SPIDR: variants seen among roughly 807,000 people sequenced by gnomAD.
SPIDR encodes DNA repair-scaffolding protein.
Under a neutral mutation model 104.6 loss-of-function variants are expected in SPIDR, and 93 were observed. The observed-to-expected ratio is 0.89, with a 90% CI of 0.75 to 1.06. SPIDR has a LOEUF of 1.06. SPIDR is among the 50% of genes least tolerant of loss of function. The pLI, the probability that SPIDR is intolerant of heterozygous loss-of-function variation, is 0.00. For synonymous variants in SPIDR, 431 were observed against 416.9 expected, an observed-to-expected ratio of 1.03 and a Z score of -0.41; for missense variants, 1,154 against 1,111.2, an observed-to-expected ratio of 1.04 and a Z score of -0.55.
intron 5 of SPIDR, among the ~76,000 whole-genome samples, chr8:47,320,019 A>G (rs1417412689): frequency 8.6e-5 from 13 of 151,966 alleles, no homozygotes; most frequent in African/African-American, 2.9e-4. Flanking sequence ...TTGACACCCT[A>G]ACATCACAAT....
chr8:47,524,437 G>T (rs2084664014), intron 8 of SPIDR, among the ~76,000 whole-genome samples: 1 of 152,148 alleles, frequency 6.6e-6, no homozygotes, highest in African/African-American at 2.4e-5. Flanking sequence ...AGCCCCTCTG[G>T]GATCCTATAG....
At chr8:47,639,211 C>T (rs1409320961) in intron 10 of SPIDR, among the ~76,000 whole-genome samples, 2 of 152,154 alleles carry the variant, frequency 1.3e-5, no homozygotes, top group African/African-American at 2.4e-5. Flanking sequence ...AAGGTGGAAT[C>T]GTCCACGTGT....
intron 8 of SPIDR, among the ~76,000 whole-genome samples, chr8:47,571,579 A>C (rs995495574): frequency 1.3e-5 from 2 of 152,234 alleles, no homozygotes; most frequent in Non-Finnish European, 2.9e-5. Context: ...TAATTAATAT[A>C]TAAAATACAA....
At chr8:47,587,778 A>C (rs2154416791) in intron 8 of SPIDR, among the ~76,000 whole-genome samples, 2 of 151,442 alleles carry the variant, frequency 1.3e-5, no homozygotes, top group Middle Eastern at 6.8e-3. Flanking sequence ...AAAAACAAAC[A>C]AAAATCACAC....
chr8:47,599,530 T>C (rs116031482), intron 10 of SPIDR, among the ~76,000 whole-genome samples: 504 of 152,342 alleles, frequency 3.3e-3, no homozygotes, highest in African/African-American at 0.011. Flanking sequence ...AAAGACCATT[T>C]GCAACATCCA....
chr8:47,457,128 G>A (rs546532678), intron 8 of SPIDR, among the ~76,000 whole-genome samples: 1 of 152,140 alleles, frequency 6.6e-6, no homozygotes, highest in Admixed American at 6.5e-5. Context: ...ACCCAGTAGT[G>A]GGATTGCTAG....
intron 7 of SPIDR, among the ~76,000 whole-genome samples, chr8:47,428,369 A>G (rs1219919692): frequency 1.3e-5 from 2 of 152,224 alleles, no homozygotes; most frequent in African/African-American, 2.4e-5. Context: ...GGGGTAGAAA[A>G]TGGTAGACTG....
chr8:47,467,262 C>T (rs1032037475), intron 8 of SPIDR, among the ~76,000 whole-genome samples: 1 of 152,102 alleles, frequency 6.6e-6, no homozygotes, highest in African/African-American at 2.4e-5. Context: ...CAGACAGATT[C>T]ACAGCTGAAT....
At chr8:47,266,858 A>C (rs76945922) in intron 1 of SPIDR, among the ~76,000 whole-genome samples, 1 of 152,174 alleles carries the variant, frequency 6.6e-6, no homozygotes, top group Non-Finnish European at 1.5e-5. Flanking sequence ...CATGACCCCA[A>C]AAAGAAACCC....
At chr8:47,317,347 G>A (rs1057052525) in intron 5 of SPIDR, among the ~76,000 whole-genome samples, 3 of 152,080 alleles carry the variant, frequency 2.0e-5, no homozygotes, top group South Asian at 2.1e-4. Context: ...GCGGAGCCTC[G>A]CTCATTGCTA....
chr8:47,462,612 T>C (rs551319997), intron 8 of SPIDR, among the ~76,000 whole-genome samples: 1 of 152,294 alleles, frequency 6.6e-6, no homozygotes, highest in South Asian at 2.1e-4. Context: ...AGTACATATA[T>C]TGAAGAAGAG....
At chr8:47,497,764 G>A (rs1463308917) in intron 8 of SPIDR, among the ~76,000 whole-genome samples, 2 of 152,110 alleles carry the variant, frequency 1.3e-5, no homozygotes, top group Non-Finnish European at 1.5e-5. Flanking sequence ...AGTTTAAATT[G>A]ACATTGCATG....
intron 8 of SPIDR, among the ~76,000 whole-genome samples, chr8:47,483,007 C>G (rs567666721): frequency 8.5e-5 from 13 of 152,330 alleles, no homozygotes; most frequent in Middle Eastern, 3.4e-3. Context: ...GAAAGGCCGC[C>G]CCTCTGCCCC....
At chr8:47,529,076 C>G (rs1022399140) in intron 8 of SPIDR, among the ~76,000 whole-genome samples, 1 of 152,178 alleles carries the variant, frequency 6.6e-6, no homozygotes, top group Non-Finnish European at 1.5e-5. Context: ...AGAATTACAT[C>G]AGACTTCCCT....
chr8:47,500,304 G>A (rs549657913), intron 8 of SPIDR, among the ~76,000 whole-genome samples: 1 of 152,310 alleles, frequency 6.6e-6, no homozygotes, highest in African/African-American at 2.4e-5. Flanking sequence ...TCCAGCACCT[G>A]TTGTTTCCTG....
At chr8:47,541,659 G>A (rs2088164232) in intron 8 of SPIDR, among the ~76,000 whole-genome samples, 1 of 152,170 alleles carries the variant, frequency 6.6e-6, no homozygotes, top group South Asian at 2.1e-4. Context: ...CACTTTGGGA[G>A]GCCAAGGCAG....
At chr8:47,651,914 A>G (rs2071713850) in intron 10 of SPIDR, among the ~76,000 whole-genome samples, 1 of 152,148 alleles carries the variant, frequency 6.6e-6, no homozygotes, top group African/African-American at 2.4e-5. Flanking sequence ...CAGCACACAG[A>G]GGCATACAAA....
At chr8:47,646,464 G>A (rs1219193853) in intron 10 of SPIDR, among the ~76,000 whole-genome samples, 1 of 152,142 alleles carries the variant, frequency 6.6e-6, no homozygotes, top group Non-Finnish European at 1.5e-5. Context: ...TGAAATACAA[G>A]CTTATTCCTT....
At chr8:47,412,843 CT>C (rs2063728672) in intron 7 of SPIDR, among the ~76,000 whole-genome samples, 1 of 152,168 alleles carries the variant, frequency 6.6e-6, no homozygotes, top group African/African-American at 2.4e-5. Flanking sequence ...TAAATAGTTT[CT>C]GTTTAATTTG....
Sources: gnomAD v4.1 joint callset for allele counts (sites outside exome capture counted in the v4.1 genomes callset) on GRCh38, gnomAD v4.1.1 for gene constraint, MANE v1.5 for transcripts, NCBI Gene and HGNC (gene_info 2026-07-23, HGNC 2026-07-21) for gene names.